Variants in TTC7A observed in about 807,000 individuals in gnomAD.
The protein encoded by TTC7A is tetratricopeptide repeat domain 7A, also known as tetratricopeptide repeat protein 7A.
In TTC7A, 110 loss-of-function variants were observed where a neutral mutation model predicts 103.7. The observed-to-expected ratio is 1.06, with a 90% CI of 0.91 to 1.24. The LOEUF (loss-of-function observed/expected upper bound fraction) is 1.24. Among genes scored for constraint, TTC7A ranks in the 50% most tolerant of loss-of-function variants. The pLI is 0.00. For synonymous variants in TTC7A, 521 were observed against 467.9 expected (o/e 1.11, Z -1.47); for missense variants, 1,340 against 1,116.3 (o/e 1.20, Z -2.86).
intron 11 of TTC7A, among the ~76,000 whole-genome samples, chr2:47,017,571 T>C (rs1473301074): frequency 6.6e-6 from 1 of 151,982 alleles, no homozygotes; most frequent in Non-Finnish European, 1.5e-5. Flanking sequence ...AAATAGACTG[T>C]AGATTATCAG....
chr2:47,017,244 G>T (rs1353747128), intron 11 of TTC7A, among the ~76,000 whole-genome samples: 1 of 149,008 alleles, frequency 6.7e-6, no homozygotes, highest in Non-Finnish European at 1.5e-5. Flanking sequence ...GACTGGGGTG[G>T]TAGGTCATGC....
chr2:46,995,115 C>G, intron 7 of TTC7A, 21 bp from the exon 8 acceptor site: 3 of 1,613,764 alleles, frequency 1.9e-6, no homozygotes, highest in Non-Finnish European at 2.5e-6. Flanking sequence ...TCTAGCCAGG[C>G]CTGTCATTGG....
intron 18 of TTC7A, among the ~76,000 whole-genome samples, chr2:47,055,087 G>A (rs1175931351): frequency 2.6e-5 from 4 of 152,010 alleles, no homozygotes; most frequent in African/African-American, 9.7e-5. Context: ...GATCACCAGG[G>A]CAATGATCTC....
At chr2:46,989,262 G>A (rs141872812) in intron 5 of TTC7A, among the ~76,000 whole-genome samples, 6 of 152,312 alleles carry the variant, frequency 3.9e-5, no homozygotes, top group East Asian at 1.9e-4. Context: ...TTCTCCCCAC[G>A]CAGGCTGTTT....
At chr2:46,947,806 T>C (rs1671060797) in intron 1 of TTC7A, among the ~76,000 whole-genome samples, 1 of 152,222 alleles carries the variant, frequency 6.6e-6, no homozygotes, top group Non-Finnish European at 1.5e-5. Context: ...CACAAAGTAC[T>C]ACCTCCCAAT....
chr2:47,065,119 C>G (rs1483313331), intron 19 of TTC7A, among the ~76,000 whole-genome samples: 1 of 152,098 alleles, frequency 6.6e-6, no homozygotes, highest in Non-Finnish European at 1.5e-5. Flanking sequence ...AACCCCATCT[C>G]TACTAAAAAT....
At chr2:47,006,163 A>G in intron 9 of TTC7A, 104 bp downstream of exon 9, 2 of 1,481,088 alleles carry the variant, frequency 1.4e-6, no homozygotes. Flanking sequence ...TTCCCCTGCC[A>G]GGCTGCTCTG....
At chr2:47,064,373 A>T (rs1197891144) in intron 19 of TTC7A, among the ~76,000 whole-genome samples, 2 of 152,098 alleles carry the variant, frequency 1.3e-5, no homozygotes, top group Non-Finnish European at 2.9e-5. Flanking sequence ...TGGAAATCCC[A>T]CTCAGCTGGG....
At chr2:47,045,649 C>G (rs184532381) in intron 15 of TTC7A, 1 of 152,382 alleles carries the variant, frequency 6.6e-6, no homozygotes, top group African/African-American at 2.4e-5. Context: ...GGGGAGCTGG[C>G]TATTTTGGGA....
chr2:46,985,264 C>T (rs879882975), intron 5 of TTC7A, among the ~76,000 whole-genome samples: 3 of 152,154 alleles, frequency 2.0e-5, no homozygotes, highest in Non-Finnish European at 4.4e-5. Flanking sequence ...CCTGCCCCAA[C>T]CTCACCACCC....
At chr2:46,967,102 A>G (rs183601588) in intron 3 of TTC7A, among the ~76,000 whole-genome samples, 156 of 151,998 alleles carry the variant, frequency 1.0e-3, no homozygotes, top group Non-Finnish European at 1.9e-3. Context: ...AATTCCAGCT[A>G]CTCAGGAGGC....
intron 10 of TTC7A, 128 bp from the exon 11 acceptor site, chr2:47,011,203 C>A: frequency 2.5e-6 from 2 of 790,658 alleles, no homozygotes; most frequent in Non-Finnish European, 3.9e-6. Context: ...CTGCCCTGGA[C>A]CTCTTCCTGG....
intron 2 of TTC7A, among the ~76,000 whole-genome samples, chr2:46,935,727 T>C (rs1194086072): frequency 6.6e-6 from 1 of 152,174 alleles, no homozygotes; most frequent in Non-Finnish European, 1.5e-5. Context: ...AGCTTCCTGC[T>C]TGGAGTTCTT....
At chr2:47,040,780 G>A (rs1681650805) in intron 15 of TTC7A, among the ~76,000 whole-genome samples, 2 of 152,222 alleles carry the variant, frequency 1.3e-5, no homozygotes, top group African/African-American at 4.8e-5. Context: ...TCGTGGGACA[G>A]GTGACTTTAC....
chr2:47,053,491 A>T (rs1683043763), intron 18 of TTC7A, among the ~76,000 whole-genome samples: 1 of 151,480 alleles, frequency 6.6e-6, no homozygotes. Context: ...TGTTTGAATG[A>T]TTTGCCTTGG....
At chr2:47,004,975 G>A (rs529822642) in intron 8 of TTC7A, among the ~76,000 whole-genome samples, 4 of 152,234 alleles carry the variant, frequency 2.6e-5, no homozygotes, top group African/African-American at 9.6e-5. Flanking sequence ...ATCCTTGATG[G>A]GGAGCTTCTG....
At chr2:46,945,817 G>A (rs1670888480) in intron 1 of TTC7A, among the ~76,000 whole-genome samples, 1 of 152,126 alleles carries the variant, frequency 6.6e-6, no homozygotes, top group Admixed American at 6.5e-5. Flanking sequence ...TGAGGCAGAT[G>A]GTCTCTTGCT....
At chr2:47,073,541 A>G (rs1431577750) in intron 19 of TTC7A, among the ~76,000 whole-genome samples, 161 bp from the exon 20 acceptor site, 2 of 152,106 alleles carry the variant, frequency 1.3e-5, no homozygotes, top group Non-Finnish European at 2.9e-5. Context: ...TAGGATTTGT[A>G]TGGGGAAAGG....
intron 6 of TTC7A, 65 bp from the exon 7 acceptor site, chr2:46,994,292 T>C: frequency 6.5e-7 from 1 of 1,549,336 alleles, no homozygotes; most frequent in Non-Finnish European, 8.7e-7. Context: ...GCAGAGGGCG[T>C]TCTAGGTCAT....
Sources: gnomAD v4.1 joint callset for allele counts (sites outside exome capture counted in the v4.1 genomes callset) on GRCh38, gnomAD v4.1.1 for gene constraint, MANE v1.5 for transcripts, NCBI Gene and HGNC (gene_info 2026-07-23, HGNC 2026-07-21) for gene names.